RIMS2: variants seen among roughly 807,000 people sequenced by gnomAD.
RIMS2 encodes the protein regulating synaptic membrane exocytosis 2.
In RIMS2, 59 loss-of-function variants were observed where a neutral mutation model predicts 174.4. The observed-to-expected ratio is 0.34, with a 90% confidence interval of 0.27 to 0.42. RIMS2 has a LOEUF of 0.42. RIMS2 is among the 10% of genes least tolerant of loss of function. The pLI is 1.00. For synonymous variants in RIMS2, 606 were observed against 572.5 expected (o/e 1.06, Z -0.84); for missense variants, 1,620 against 1,666.3 (o/e 0.97, Z 0.48).
At chr8:104,019,480 A>T (rs1442855661) in intron 19 of RIMS2, among the ~76,000 whole-genome samples, 1 of 152,060 alleles carries the variant, frequency 6.6e-6, no homozygotes. Flanking sequence ...TGTACATAAG[A>T]TATATTTTCA....
chr8:103,584,809 TAAAG>T (rs1380570520), intron 1 of RIMS2, among the ~76,000 whole-genome samples: 1 of 151,968 alleles, frequency 6.6e-6, no homozygotes, highest in Non-Finnish European at 1.5e-5. Flanking sequence ...AGACAGGAAT[TAAAG>T]AAAGAAGGAA....
At chr8:104,074,523 A>G (rs909223302) in intron 19 of RIMS2, among the ~76,000 whole-genome samples, 2 of 152,192 alleles carry the variant, frequency 1.3e-5, no homozygotes, top group African/African-American at 4.8e-5. Context: ...AAGAAATGAT[A>G]AAGAAATGAC....
chr8:103,885,098 C>T (rs866085611), intron 3 of RIMS2, among the ~76,000 whole-genome samples, 200 bp from the exon 7 acceptor site: 1 of 151,816 alleles, frequency 6.6e-6, no homozygotes, highest in Non-Finnish European at 1.5e-5. Flanking sequence ...GTTGCAGGCA[C>T]TTAATAACCA....
intron 17 of RIMS2, among the ~76,000 whole-genome samples, chr8:103,999,096 A>G (rs1235110491): frequency 6.6e-6 from 1 of 151,788 alleles, no homozygotes; most frequent in Non-Finnish European, 1.5e-5. Context: ...TAGCTAGTAT[A>G]AATTAGGAAT....
intron 3 of RIMS2, among the ~76,000 whole-genome samples, chr8:103,870,877 T>A (rs2099108194): frequency 6.6e-6 from 1 of 152,158 alleles, no homozygotes; most frequent in South Asian, 2.1e-4. Flanking sequence ...AACCAGAATA[T>A]CTGCTAATAC....
chr8:104,155,449 T>G (rs2098717045), intron 19 of RIMS2, among the ~76,000 whole-genome samples: 1 of 122,038 alleles, frequency 8.2e-6, no homozygotes, highest in Admixed American at 9.5e-5. Flanking sequence ...AGTCTTGCTC[T>G]GTCGCCCAGG....
intron 19 of RIMS2, among the ~76,000 whole-genome samples, chr8:104,210,519 T>C (rs756206010): frequency 1.3e-5 from 2 of 152,214 alleles, no homozygotes; most frequent in African/African-American, 4.8e-5. Context: ...TTCTTTTAAA[T>C]TGAAAAAGGT....
chr8:104,140,213 C>T (rs2098554661), intron 19 of RIMS2, among the ~76,000 whole-genome samples: 1 of 151,960 alleles, frequency 6.6e-6, no homozygotes, highest in Non-Finnish European at 1.5e-5. Flanking sequence ...GCATTCTAAC[C>T]ACTGTATTAT....
At chr8:103,834,676 T>TTTTCTTCCTTTTTC (rs561054687) in intron 3 of RIMS2, among the ~76,000 whole-genome samples, 2 of 120,012 alleles carry the variant, frequency 1.7e-5, no homozygotes, top group Non-Finnish European at 3.5e-5. Flanking sequence ...TCTGAGGTCT[T>TTTTCTTCCTTTTTC]TTTCTTTCTT....
At chr8:103,732,145 T>A (rs2097606168) in intron 2 of RIMS2, among the ~76,000 whole-genome samples, 1 of 152,244 alleles carries the variant, frequency 6.6e-6, no homozygotes, top group South Asian at 2.1e-4. Context: ...TGTAGCCATA[T>A]CTACGTAAGG....
chr8:103,781,241 A>G (rs2098385355), intron 3 of RIMS2, among the ~76,000 whole-genome samples: 1 of 152,204 alleles, frequency 6.6e-6, no homozygotes, highest in South Asian at 2.1e-4. Flanking sequence ...TGGGCAGATT[A>G]TGGGGAAAGG....
intron 1 of RIMS2, among the ~76,000 whole-genome samples, chr8:103,527,525 T>C (rs1352546866): frequency 6.6e-6 from 1 of 152,178 alleles, no homozygotes; most frequent in African/African-American, 2.4e-5. Flanking sequence ...TATCTCCTAA[T>C]GCTATCCGTC....
chr8:103,759,409 C>T (rs1361045850), intron 2 of RIMS2, among the ~76,000 whole-genome samples: 2 of 151,538 alleles, frequency 1.3e-5, no homozygotes, highest in East Asian at 1.9e-4. Flanking sequence ...ACTAAAAATA[C>T]AAAAAATTAG....
chr8:104,218,796 C>T (rs1587681098), intron 19 of RIMS2, among the ~76,000 whole-genome samples: 1 of 152,134 alleles, frequency 6.6e-6, no homozygotes, highest in African/African-American at 2.4e-5. Context: ...ACAGATGAAG[C>T]TTTGCTCACT....
At chr8:104,043,186 A>C in intron 19 of RIMS2, among the ~76,000 whole-genome samples, 1 of 143,508 alleles carries the variant, frequency 7.0e-6, no homozygotes, top group East Asian at 2.0e-4. Context: ...AAGAGAAGGG[A>C]AAGGAGATGG....
chr8:103,964,342 C>G (rs2091160454), intron 15 of RIMS2, among the ~76,000 whole-genome samples: 1 of 152,132 alleles, frequency 6.6e-6, no homozygotes, highest in Non-Finnish European at 1.5e-5. Context: ...TTGGTGTTGT[C>G]AGTGTTCTGA....
chr8:103,700,347 C>A (rs1213868789), intron 2 of RIMS2, among the ~76,000 whole-genome samples: 1 of 151,826 alleles, frequency 6.6e-6, no homozygotes, highest in Non-Finnish European at 1.5e-5. Context: ...ATATTCTTTG[C>A]TCTAAAATTC....
chr8:103,748,367 C>T (rs1400286198), intron 2 of RIMS2, among the ~76,000 whole-genome samples: 2 of 151,984 alleles, frequency 1.3e-5, no homozygotes, highest in African/African-American at 4.8e-5. Flanking sequence ...ATCGCTTGAA[C>T]CTAGGAAGTT....
intron 3 of RIMS2, among the ~76,000 whole-genome samples, chr8:103,826,769 A>G (rs1564789974): frequency 6.7e-6 from 1 of 150,312 alleles, no homozygotes; most frequent in African/African-American, 2.4e-5. Context: ...ACAGCCTCCA[A>G]CTCCTGGACT....
Sources: gnomAD v4.1 joint callset for allele counts (sites outside exome capture counted in the v4.1 genomes callset) on GRCh38, gnomAD v4.1.1 for gene constraint, MANE v1.5 for transcripts, NCBI Gene and HGNC (gene_info 2026-07-23, HGNC 2026-07-21) for gene names.